Variants in TMOD3 observed in about 807,000 individuals in gnomAD.
TMOD3 encodes tropomodulin-3.
TMOD3 carries 20 observed loss-of-function variants against 39.2 expected under a neutral mutation model. That is an observed-to-expected ratio of 0.51 (90% CI 0.36 to 0.74). TMOD3 has a LOEUF of 0.74. Among genes scored for constraint, TMOD3 ranks in the 30% least tolerant of loss-of-function variants. TMOD3 has a pLI of 0.00. For missense variants in TMOD3, 381 were observed against 412.8 expected, an observed-to-expected ratio of 0.92 and a Z score of 0.67; for synonymous variants, 143 against 145.8, an observed-to-expected ratio of 0.98 and a Z score of 0.14.
chr15:51,876,760 C>A (rs2056506208), intron 3 of TMOD3, among the ~76,000 whole-genome samples: 1 of 152,078 alleles, frequency 6.6e-6, no homozygotes, highest in Non-Finnish European at 1.5e-5. Context: ...CGCACCCGGC[C>A]CCAGCGCTTT....
chr15:51,836,433 C>T (rs1162458873), intron 1 of TMOD3, among the ~76,000 whole-genome samples: 2 of 152,110 alleles, frequency 1.3e-5, no homozygotes, highest in Non-Finnish European at 2.9e-5. Flanking sequence ...GCTTCTTTCA[C>T]CCTTATACTA....
At chr15:51,888,012 G>C (rs2056573839) in intron 4 of TMOD3, among the ~76,000 whole-genome samples, 1 of 152,146 alleles carries the variant, frequency 6.6e-6, no homozygotes. Flanking sequence ...TGCTCAGCTA[G>C]AAGCTGTCCT....
At position 51,902,642 on chromosome 15, in the gene TMOD3, G is replaced by GTTT. The variant is rs1286780618; in HGVS notation, c.1024+607_1024+608insTTT. ...TGCGCGCCGTGCCCAGCTAATTTTT[G>GTTT]TATTTTTTTTTTTTTTTTTTTTTTT... On this transcript the variant is annotated intron_variant, in intron 9 of 9. Coordinates refer to ENST00000308580, the MANE Select transcript of TMOD3 (RefSeq NM_014547.5). 3.9e-3 allele frequency among the ~76,000 whole-genome samples: 250 copies of GTTT among 63,298 alleles called. 53 individuals are homozygous for GTTT. The highest frequency in any genetic ancestry group is 4.3e-3 in the Non-Finnish European group (147 of 34,206). The allele number at this position is 63,298 out of a possible 152,430, so 41.5% of individuals were successfully genotyped here. A position where few individuals can be genotyped will look rare whatever the true frequency, so the allele number is the denominator to read the frequency against.
intron 1 of TMOD3, among the ~76,000 whole-genome samples, chr15:51,851,748 G>A (rs1013789301): frequency 6.6e-5 from 10 of 152,086 alleles, no homozygotes; most frequent in Non-Finnish European, 8.8e-5. Flanking sequence ...GTCATCCTTC[G>A]TGCAGCTCGT....
rs1371580511 is a variant in TMOD3, at chr15:51,851,452, A to C, written c.-74-11359A>C. 2.0e-5 allele frequency among the ~76,000 whole-genome samples: 3 copies of C among 152,204 alleles called. No homozygotes were observed. The East Asian group carries it at 5.8e-4, about 29-fold the overall frequency. ...TACATGTTCTTTGGTTTAGACTGTG[A>C]ATATGTTTAAGGACAGCCAGCAAAT... On this transcript the variant is annotated intron_variant, in intron 1 of 9. Coordinates refer to ENST00000308580, the MANE Select transcript of TMOD3 (RefSeq NM_014547.5).
At chr15:51,885,866 C>T (rs2056558906) in intron 3 of TMOD3, among the ~76,000 whole-genome samples, 4 of 150,046 alleles carry the variant, frequency 2.7e-5, no homozygotes, top group East Asian at 3.9e-4. Context: ...ACGGGGCGGC[C>T]GGGCAGAGGC....
chr15:51,864,125 C>T (rs970750996), intron 2 of TMOD3, among the ~76,000 whole-genome samples: 1 of 151,912 alleles, frequency 6.6e-6, no homozygotes, highest in Non-Finnish European at 1.5e-5. Flanking sequence ...ATTAGCTGGG[C>T]ATGGTGGTGC....
At chr15:51,832,801 A>G (rs2056263167) in intron 1 of TMOD3, among the ~76,000 whole-genome samples, 1 of 152,194 alleles carries the variant, frequency 6.6e-6, no homozygotes, top group South Asian at 2.1e-4. Flanking sequence ...ACAGTAGAGG[A>G]AAAAAAGGCT....
chr15:51,899,936 C>T (rs1369765456), intron 7 of TMOD3, among the ~76,000 whole-genome samples: 1 of 152,170 alleles, frequency 6.6e-6, no homozygotes, highest in African/African-American at 2.4e-5. Flanking sequence ...GGCACTTGAG[C>T]ATCTGAAGAT....
rs147452318 is a variant in TMOD3, at chr15:51,835,095, C to G, written c.-75+5259C>G. Reference sequence around the variant, plus strand: ...AATTTTAAATGGCTTTTCTGTGGGTCGAGTTAATGGAGACAACCTCATTTT... The same window carrying G: ...AATTTTAAATGGCTTTTCTGTGGGTGGAGTTAATGGAGACAACCTCATTTT... On this transcript the variant is annotated intron_variant, in intron 1 of 9. Coordinates refer to ENST00000308580, the MANE Select transcript of TMOD3 (RefSeq NM_014547.5). 11 of 152,196 alleles carry G rather than the reference C, an allele frequency of 7.2e-5. No homozygotes were observed. The East Asian group carries it at 1.9e-3, about 27-fold the overall frequency. 9.4% of individuals were successfully genotyped at this position (152,196 alleles called of 1,614,324 possible). A position where few individuals can be genotyped will look rare whatever the true frequency, so the allele number is the denominator to read the frequency against.
Position 51,904,891 on chromosome 15 carries a change from C to G in TMOD3, c.1024+2855C>G, listed in dbSNP as rs964340352. 2.6e-5 allele frequency among the ~76,000 whole-genome samples: 4 copies of G among 152,180 alleles called. No individual in the cohort carries two copies. In the East Asian group the frequency reaches 7.7e-4, roughly 29 times the overall value. ...GGAAGAGAAGACCATGTTGAAGAAG[C>G]TGTGTTCTGACCCAAAGCAGAAGCG... On this transcript the variant is annotated intron_variant, in intron 9 of 9. Coordinates refer to ENST00000308580, the MANE Select transcript of TMOD3 (RefSeq NM_014547.5).
In TMOD3 at chr15:51,902,504, C is replaced by CT. The variant is rs1427463026; in HGVS notation, c.1024+469dup. 2.3e-4 allele frequency among the ~76,000 whole-genome samples: 35 copies of CT among 152,254 alleles called. No homozygotes were observed. In the East Asian group the frequency reaches 6.8e-3, roughly 29 times the overall value. On this transcript the variant is annotated intron_variant, in intron 9 of 9. Transcript: ENST00000308580. ...TGATTTTTTTTGAGACGGAGCCTCGCTGTGTTGCGAGGCAGGAGTGCAGTG... is the reference window on the plus strand; with the variant it reads ...TGATTTTTTTTGAGACGGAGCCTCGCTTGTGTTGCGAGGCAGGAGTGCAGTG...
chr15:51,872,600 G>GTTGT (rs2056480981), intron 3 of TMOD3, among the ~76,000 whole-genome samples: 4 of 129,882 alleles, frequency 3.1e-5, no homozygotes, highest in Admixed American at 2.4e-4. Flanking sequence ...GACCAAATTT[G>GTTGT]TTTTTTTTTT....
intron 1 of TMOD3, among the ~76,000 whole-genome samples, chr15:51,853,570 A>G (rs990955512): frequency 1.3e-5 from 2 of 152,224 alleles, no homozygotes; most frequent in Non-Finnish European, 1.5e-5. Flanking sequence ...ATTTTATGTC[A>G]GTATTTTCAG....
At chr15:51,841,486 A>G (rs1368922782) in intron 1 of TMOD3, among the ~76,000 whole-genome samples, 1 of 151,928 alleles carries the variant, frequency 6.6e-6, no homozygotes, top group African/African-American at 2.4e-5. Context: ...CCCTCATTTG[A>G]TATTAAAGGA....
rs113739754 is a variant in TMOD3 at position 51,914,283 on chromosome 15, C to CA, written c.*5479dup. The CA allele has an allele frequency of 0.016, 2,492 of 151,834 alleles. 68 individuals are homozygous for CA. The highest frequency in any genetic ancestry group is 0.075 in the East Asian group (385 of 5,128). 9.4% of individuals were successfully genotyped at this position (151,834 alleles called of 1,614,324 possible). ...CTGGGTAACAAGAGTGAGACTGTCT[C>CA]AAAAAACAAAACAAAACAAAAAAAT... is the stretch of plus-strand genomic sequence containing the variant. On this transcript the variant is annotated 3_prime_UTR_variant, in exon 10 of 10. Coordinates refer to ENST00000308580, the MANE Select transcript of TMOD3 (RefSeq NM_014547.5).
At chr15:51,849,316 T>C (rs1486552920) in intron 1 of TMOD3, among the ~76,000 whole-genome samples, 1 of 152,166 alleles carries the variant, frequency 6.6e-6, no homozygotes, top group Non-Finnish European at 1.5e-5. Flanking sequence ...ATGTTTACAT[T>C]TGAGAAACCT....
chr15:51,868,787 C>T (rs1566858840), intron 2 of TMOD3, among the ~76,000 whole-genome samples: 1 of 152,150 alleles, frequency 6.6e-6, no homozygotes, highest in African/African-American at 2.4e-5. Flanking sequence ...GTCTGGCCAA[C>T]ATGGCAAAAC....
chr15:51,893,787 A>G, intron 5 of TMOD3, 28 bp from the exon 6 acceptor site: 1 of 1,486,832 alleles, frequency 6.7e-7, no homozygotes, highest in Non-Finnish European at 9.0e-7. Context: ...ATGGTATCAA[A>G]TCCTGCTCTT....
Sources: gnomAD v4.1 joint callset for allele counts (sites outside exome capture counted in the v4.1 genomes callset) on GRCh38, gnomAD v4.1.1 for gene constraint, MANE v1.5 for transcripts, NCBI Gene and HGNC (gene_info 2026-07-23, HGNC 2026-07-21) for gene names.